Variants in VRK2 observed in about 807,000 individuals in gnomAD.
VRK2 encodes the protein VRK serine/threonine kinase 2, also known as serine/threonine-protein kinase VRK2.
Under a neutral mutation model 57.6 loss-of-function variants are expected in VRK2, and 60 were observed. That is an observed-to-expected ratio of 1.04 (90% CI 0.85 to 1.29). The LOEUF (loss-of-function observed/expected upper bound fraction) is 1.29. Among genes scored for constraint, VRK2 ranks in the 50% most tolerant of loss-of-function variants. The pLI, the probability that VRK2 is intolerant of heterozygous loss-of-function variation, is 0.00. For synonymous variants in VRK2, 231 were observed against 199.2 expected, an observed-to-expected ratio of 1.16 and a Z score of -1.35; for missense variants, 705 against 588.1, an observed-to-expected ratio of 1.20 and a Z score of -2.06.
chr2:58,151,748 T>TG, intron 12 of VRK2, among the ~76,000 whole-genome samples: 1 of 117,326 alleles, frequency 8.5e-6, no homozygotes, highest in Non-Finnish European at 1.7e-5. Context: ...TTTTTTTTTT[T>TG]TTTTTTTTTT....
At chr2:58,058,604 A>G (rs559843905) in intron 2 of VRK2, 4 of 277,046 alleles carry the variant, frequency 1.4e-5, no homozygotes, top group African/African-American at 2.2e-5. Flanking sequence ...GAGTCTGGTA[A>G]AGAGTAGTAG....
chr2:57,991,956 CAAA>C (rs111539756), intron 1 of VRK2, among the ~76,000 whole-genome samples: 2 of 101,612 alleles, frequency 2.0e-5, no homozygotes, highest in Non-Finnish European at 4.2e-5. Flanking sequence ...GACTCCAACT[CAAA>C]AAAAAAAAAA....
upstream of VRK2, among the ~76,000 whole-genome samples, chr2:58,042,286 T>A (rs1167041173): frequency 2.0e-5 from 3 of 152,218 alleles, no homozygotes; most frequent in Non-Finnish European, 4.4e-5. Flanking sequence ...AGGACATAGA[T>A]ACTTGGTCTG....
intron 1 of VRK2, among the ~76,000 whole-genome samples, chr2:58,020,928 T>C (rs1433121727): frequency 6.6e-6 from 1 of 152,190 alleles, no homozygotes; most frequent in Non-Finnish European, 1.5e-5. Flanking sequence ...AGGAGAGTGT[T>C]TGGACCCATT....
intron 1 of VRK2, among the ~76,000 whole-genome samples, chr2:57,961,851 A>G (rs1671771780): frequency 6.6e-6 from 1 of 152,146 alleles, no homozygotes; most frequent in Non-Finnish European, 1.5e-5. Context: ...CTGAGACAGG[A>G]GGACTGCTTG....
chr2:57,997,339 A>C (rs1672956004), intron 1 of VRK2, among the ~76,000 whole-genome samples: 1 of 152,068 alleles, frequency 6.6e-6, no homozygotes, highest in Non-Finnish European at 1.5e-5. Flanking sequence ...TGCCAAGCAG[A>C]AAAGATGGGA....
chr2:57,944,555 T>C (rs1572890948), intron 1 of VRK2, among the ~76,000 whole-genome samples: 1 of 152,188 alleles, frequency 6.6e-6, no homozygotes, highest in East Asian at 1.9e-4. Flanking sequence ...GCTAACACGG[T>C]GAAACCCCGT....
intron 1 of VRK2, among the ~76,000 whole-genome samples, chr2:58,021,006 T>G (rs1325609723): frequency 6.6e-6 from 1 of 152,288 alleles, no homozygotes; most frequent in South Asian, 2.1e-4. Flanking sequence ...AGAAACAAAG[T>G]ATGTTAAAAT....
chr2:58,128,494 G>A (rs1047075767), intron 8 of VRK2, among the ~76,000 whole-genome samples: 3 of 152,006 alleles, frequency 2.0e-5, no homozygotes, highest in Non-Finnish European at 2.9e-5. Context: ...ACAAAGCCCC[G>A]CTAATTTTTG....
chr2:58,149,996 CTTTTT>C (rs55783668), intron 12 of VRK2, among the ~76,000 whole-genome samples: 2 of 108,340 alleles, frequency 1.8e-5, no homozygotes, highest in Middle Eastern at 4.8e-3. Context: ...TTTTTCTTTT[CTTTTT>C]TTTTTTTTTT....
At chr2:58,097,550 T>A (rs898767991) in intron 7 of VRK2, among the ~76,000 whole-genome samples, 5 of 152,120 alleles carry the variant, frequency 3.3e-5, no homozygotes, top group Non-Finnish European at 7.4e-5. Context: ...AAATTAAAAA[T>A]TAAAATTTAA....
At chr2:58,112,510 G>C (rs555656712) in intron 7 of VRK2, among the ~76,000 whole-genome samples, 1 of 151,530 alleles carries the variant, frequency 6.6e-6, no homozygotes, top group South Asian at 2.1e-4. Flanking sequence ...TGTAGGGGTG[G>C]ATAGAAAACT....
Position 58,048,826 on chromosome 2 carries a change from G to C in VRK2, c.-5-1G>C, listed in dbSNP as rs1572844493. 2.5e-6 allele frequency: 4 copies of C among 1,613,242 alleles called. No individual in the cohort carries two copies. The African/African-American group carries it at 4.0e-5, about 16-fold the overall frequency. ...ATTTATCTCACCCCTTCTGCCAACAGAAGTGATGCCACCAAAAAGAAATGA... is the reference window on the plus strand; with the variant it reads ...ATTTATCTCACCCCTTCTGCCAACACAAGTGATGCCACCAAAAAGAAATGA... On this transcript the variant is annotated splice_acceptor_variant, in intron 1 of 12. Coordinates refer to ENST00000340157, the MANE Select transcript of VRK2 (RefSeq NM_006296.7). LOFTEE classifies it low-confidence loss of function (5UTR_SPLICE).
intron 2 of VRK2, among the ~76,000 whole-genome samples, chr2:58,080,289 T>C (rs533709383): frequency 6.6e-5 from 10 of 151,924 alleles, no homozygotes; most frequent in Admixed American, 4.6e-4. Context: ...AGACTTGTTT[T>C]CTGGGTGAAA....
At chr2:58,029,697 G>A (rs1162899449) in intron 2 of VRK2, among the ~76,000 whole-genome samples, 5 of 152,070 alleles carry the variant, frequency 3.3e-5, no homozygotes, top group African/African-American at 9.7e-5. Context: ...GATTTGGGGG[G>A]TTTATTCTGT....
chr2:58,126,843 T>C (rs1022919262), intron 8 of VRK2, among the ~76,000 whole-genome samples: 6 of 152,134 alleles, frequency 3.9e-5, no homozygotes, highest in Admixed American at 3.9e-4. Flanking sequence ...TCAAATATAG[T>C]ATTTTAAAAT....
intron 10 of VRK2, among the ~76,000 whole-genome samples, chr2:58,137,152 G>GTATCATATATGATACA (rs1558686426): frequency 7.5e-4 from 1 of 1,332 alleles, no homozygotes; most frequent in Non-Finnish European, 3.9e-3. Context: ...TATATATCAT[G>GTATCATATATGATACA]TGTTTATATA....
chr2:58,048,920 T>TACTG lies in VRK2; in HGVS notation c.90_93dup (p.Gly32ThrfsTer21). The TACTG allele has an allele frequency of 6.2e-7, 1 of 1,613,974 alleles. No homozygotes were observed. The highest frequency in any genetic ancestry group is 2.2e-5 in the East Asian group (1 of 44,840). On this transcript the variant is annotated frameshift_variant, in exon 2 of 13. Coordinates refer to ENST00000340157, the MANE Select transcript of VRK2 (RefSeq NM_006296.7). LOFTEE classifies it high-confidence loss of function. ...GATGATATGGAAGGCAATCAGTGGG[T>TACTG]ACTGGGCAAGAAGATTGGCTCTGGA...
intron 1 of VRK2, among the ~76,000 whole-genome samples, chr2:57,913,393 T>G (rs1001444151): frequency 1.3e-5 from 2 of 152,226 alleles, no homozygotes; most frequent in African/African-American, 2.4e-5. Flanking sequence ...AAAAGTAGTT[T>G]TCCAAATATT....
Sources: allele counts gnomAD v4.1 joint callset (sites outside exome capture counted in the v4.1 genomes callset), GRCh38; gene constraint gnomAD v4.1.1; transcripts MANE v1.5; gene names NCBI Gene and HGNC (gene_info 2026-07-23, HGNC 2026-07-21).